Variants in GNAO1 observed in about 807,000 individuals in gnomAD.
GNAO1 encodes G protein subunit alpha o1.
For synonymous variants in GNAO1, 164 were observed against 180.7 expected, an observed-to-expected ratio of 0.91 and a Z score of 0.74; for missense variants, 166 against 478.7, an observed-to-expected ratio of 0.35 and a Z score of 6.10.
intron 6 of GNAO1, chr16:56,345,834 A>T: frequency 1.0e-6 from 1 of 985,446 alleles, no homozygotes; most frequent in Non-Finnish European, 1.2e-6. Flanking sequence ...CCGAACTGTA[A>T]CCCCAGGCTC....
At chr16:56,300,496 T>A (rs2037334302) in intron 3 of GNAO1, 1 of 152,142 alleles carries the variant, frequency 6.6e-6, no homozygotes, top group Non-Finnish European at 1.5e-5. Context: ...ATTCCTTTAA[T>A]CCTCATAACA....
intron 3 of GNAO1, chr16:56,301,106 G>C (rs1304580533): frequency 6.6e-6 from 1 of 152,282 alleles, no homozygotes; most frequent in Non-Finnish European, 1.5e-5. Flanking sequence ...AAGTCAGCCT[G>C]TGTGGCTGGG....
At chr16:56,285,889 G>T (rs1412838566) in intron 3 of GNAO1, among the ~76,000 whole-genome samples, 2 of 152,158 alleles carry the variant, frequency 1.3e-5, no homozygotes, top group African/African-American at 2.4e-5. Flanking sequence ...ACCTCATTTG[G>T]TCCAAGCCCC....
intron 2 of GNAO1, chr16:56,194,536 C>T (rs1027953951): frequency 3.4e-6 from 1 of 290,976 alleles, no homozygotes; most frequent in Admixed American, 4.2e-5. Flanking sequence ...AGTTCGGCGA[C>T]GCTCGGCTAG....
intron 2 of GNAO1, among the ~76,000 whole-genome samples, chr16:56,242,513 T>G (rs1482756398): frequency 6.6e-6 from 1 of 152,052 alleles, no homozygotes; most frequent in African/African-American, 2.4e-5. Context: ...AGGAATAAAC[T>G]TATACATCTA....
intron 3 of GNAO1, 65 bp downstream of exon 3, chr16:56,276,137 C>G: frequency 7.2e-7 from 1 of 1,397,742 alleles, no homozygotes; most frequent in Non-Finnish European, 9.9e-7. Flanking sequence ...ACTGCCTCCT[C>G]TTTATAGTGC....
chr16:56,235,515 G>A (rs577051744), intron 2 of GNAO1: 15 of 433,588 alleles, frequency 3.5e-5, no homozygotes, highest in Non-Finnish European at 5.5e-5. Flanking sequence ...AGTTCTCCTC[G>A]ACATCCCCTG....
At chr16:56,214,647 A>G (rs1351167808) in intron 2 of GNAO1, among the ~76,000 whole-genome samples, 13 of 152,350 alleles carry the variant, frequency 8.5e-5, no homozygotes, top group South Asian at 8.3e-4. Context: ...TGCCCTCAGC[A>G]TGGGAGTACC....
At position 56,336,715 on chromosome 16, in the gene GNAO1, T is replaced by A; in HGVS notation, c.594-16T>A. 1 of 1,603,378 alleles carries A rather than the reference T, an allele frequency of 6.2e-7. No homozygotes were observed. Among genetic ancestry groups the A allele is most frequent in the South Asian group, 1.1e-5 (1 of 89,426 alleles). The stretch of plus-strand genomic sequence containing the variant: ...CTGCCTGGACCCTGCGCCTACCAGC[T>A]CCCTGCCTCCTACAGGCTGTTTGAC... On this transcript the variant is annotated splice_polypyrimidine_tract_variant and intron_variant, in intron 5 of 8. Coordinates refer to ENST00000262493, the MANE Select transcript of GNAO1 (RefSeq NM_020988.3).
chr16:56,192,310 G>A lies in GNAO1; in HGVS notation c.75G>A (p.Glu25=), dbSNP rs182812404. ...RSKAIEKNLK[E]DGISAAKDVK... ...AGGCGATTGAGAAAAACCTCAAAGA[G>A]GATGGCATCAGCGCCGCCAAAGACG... Residue 25 remains glutamate, a synonymous_variant, in exon 1 of 9, where the codon GAG becomes GAA. Transcript: ENST00000262493. The A allele has an allele frequency of 4.5e-5, 73 of 1,611,398 alleles. No homozygotes were observed. In the Middle Eastern group the frequency reaches 6.6e-4, roughly 15 times the overall value.
chr16:56,204,883 T>C (rs2036312612), intron 2 of GNAO1, among the ~76,000 whole-genome samples: 2 of 152,076 alleles, frequency 1.3e-5, no homozygotes, highest in African/African-American at 4.8e-5. Context: ...ACATATAAAA[T>C]TAGGAAACTG....
At chr16:56,234,131 A>C (rs1404002427) in intron 2 of GNAO1, among the ~76,000 whole-genome samples, 1 of 152,246 alleles carries the variant, frequency 6.6e-6, no homozygotes, top group African/African-American at 2.4e-5. Context: ...AGAAGCCAGC[A>C]TTAGCTATTT....
intron 5 of GNAO1, among the ~76,000 whole-genome samples, chr16:56,335,222 C>T (rs946117629): frequency 4.1e-4 from 63 of 152,280 alleles, no homozygotes; most frequent in African/African-American, 1.5e-3. Flanking sequence ...TGGGTAAGCC[C>T]AAGCTACCTC....
At chr16:56,347,211 C>T (rs1457853612) in intron 6 of GNAO1, 2 of 985,486 alleles carry the variant, frequency 2.0e-6, no homozygotes, top group Non-Finnish European at 2.4e-6. Context: ...TGCCTCTTCT[C>T]TTCTCTGAGC....
chr16:56,295,494 C>T (rs779204678), intron 3 of GNAO1, among the ~76,000 whole-genome samples: 6 of 152,266 alleles, frequency 3.9e-5, no homozygotes, highest in East Asian at 1.9e-4. Flanking sequence ...TGCTAAGGCA[C>T]GCTAGCACCC....
intron 2 of GNAO1, among the ~76,000 whole-genome samples, chr16:56,220,642 C>G (rs1183075466): frequency 6.6e-6 from 1 of 152,196 alleles, no homozygotes; most frequent in Admixed American, 6.5e-5. Flanking sequence ...CATGTAGAAA[C>G]TTAATCTCTA....
intron 2 of GNAO1, among the ~76,000 whole-genome samples, chr16:56,243,615 A>G (rs2036714792): frequency 6.6e-6 from 1 of 152,206 alleles, no homozygotes. Context: ...AAAAAAGTAG[A>G]TTACTGGTTG....
intron 3 of GNAO1, among the ~76,000 whole-genome samples, chr16:56,325,571 G>A (rs542248882): frequency 1.4e-4 from 21 of 152,238 alleles, no homozygotes; most frequent in African/African-American, 4.1e-4. Flanking sequence ...TGGTGTATGC[G>A]ACTCTCAGAC....
intron 2 of GNAO1, among the ~76,000 whole-genome samples, chr16:56,224,553 C>T (rs2036517992): frequency 6.6e-6 from 1 of 152,232 alleles, no homozygotes; most frequent in African/African-American, 2.4e-5. Flanking sequence ...TCTCAGCTCA[C>T]TGCAGCTTTG....
Sources: allele counts gnomAD v4.1 joint callset (sites outside exome capture counted in the v4.1 genomes callset), GRCh38; gene constraint gnomAD v4.1.1; transcripts MANE v1.5; gene names NCBI Gene and HGNC (gene_info 2026-07-23, HGNC 2026-07-21).